KIF2A: variants seen among roughly 807,000 people sequenced by gnomAD.
The protein encoded by KIF2A is kinesin family member 2A, also known as kinesin-like protein KIF2A.
A neutral mutation model predicts 100.2 loss-of-function variants in KIF2A; 22 were observed. That is an observed-to-expected ratio of 0.22 (90% CI 0.16 to 0.31). The LOEUF (loss-of-function observed/expected upper bound fraction) is 0.31. Among genes scored for constraint, KIF2A ranks in the 10% least tolerant of loss-of-function variants. KIF2A has a pLI of 1.00. For missense variants in KIF2A, 495 were observed against 898.7 expected, an observed-to-expected ratio of 0.55 and a Z score of 5.74; for synonymous variants, 268 against 285.9, an observed-to-expected ratio of 0.94 and a Z score of 0.63.
chr5:62,318,732 T>C (rs1211222934), intron 1 of KIF2A, among the ~76,000 whole-genome samples: 1 of 152,190 alleles, frequency 6.6e-6, no homozygotes, highest in African/African-American at 2.4e-5. Flanking sequence ...ATCCTACCCC[T>C]GCAGTACTTC....
At chr5:62,322,679 A>G (rs1267261135) in intron 1 of KIF2A, among the ~76,000 whole-genome samples, 1 of 152,146 alleles carries the variant, frequency 6.6e-6, no homozygotes. Context: ...CTTTGTTACC[A>G]GAGTTGAAGG....
At chr5:62,385,452 T>C in intron 20 of KIF2A, 32 bp from the exon 21 acceptor site, 2 of 1,467,356 alleles carry the variant, frequency 1.4e-6, no homozygotes, top group South Asian at 1.2e-5. Context: ...TGTAATACAA[T>C]ACTTATTCCC....
At chr5:62,308,615 T>C in intron 1 of KIF2A, 2 of 699,026 alleles carry the variant, frequency 2.9e-6, no homozygotes, top group Non-Finnish European at 5.2e-6. Flanking sequence ...GAGATCCTAC[T>C]GTTTACCACA....
At chr5:62,331,708 A>G (rs779780020) in intron 1 of KIF2A, among the ~76,000 whole-genome samples, 3 of 150,814 alleles carry the variant, frequency 2.0e-5, no homozygotes, top group Non-Finnish European at 3.0e-5. Flanking sequence ...AAGACTTGCC[A>G]TATGTATGGT....
At chr5:62,342,130 A>C (rs1331132907) in intron 1 of KIF2A, among the ~76,000 whole-genome samples, 1 of 152,112 alleles carries the variant, frequency 6.6e-6, no homozygotes, top group Non-Finnish European at 1.5e-5. Context: ...TGTTGCTATA[A>C]TCTTCTTGTC....
chr5:62,377,689 C>G lies in KIF2A; in HGVS notation c.1940C>G (p.Thr647Ser). 1.3e-6 allele frequency: 2 copies of G among 1,552,104 alleles called. No individual in the cohort carries two copies. Among genetic ancestry groups the G allele is most frequent in the Non-Finnish European group, 1.7e-6 (2 of 1,145,858 alleles). Residue 647 changes from threonine (T) to serine (S), a missense_variant, in exon 19 of 21, where the codon ACT becomes AGT. Around this residue, in one of 10 missense-constraint regions of KIF2A, gnomAD observed 9 missense variants for 45.2 expected, o/e 0.20. Coordinates refer to ENST00000407818, the MANE Select transcript of KIF2A (RefSeq NM_001098511.3). ...GAAGAAGTCTCTCCACAGTTGTTTACTTTCCACGAAGCTGTTTCACAAATG... is the reference window on the plus strand; with the variant it reads ...GAAGAAGTCTCTCCACAGTTGTTTAGTTTCCACGAAGCTGTTTCACAAATG... ...NEEEVSPQLFTFHEAVSQMVE... is the reference protein window; with the variant it reads ...NEEEVSPQLFSFHEAVSQMVE...
Position 62,388,304 on chromosome 5 carries a change from G to T in KIF2A, c.*2735G>T, listed in dbSNP as rs1490091085. 1 of 152,118 alleles carries T rather than the reference G, an allele frequency of 6.6e-6. No homozygotes were observed. The highest frequency in any genetic ancestry group is 1.9e-4 in the East Asian group (1 of 5,192). 9.4% of individuals were successfully genotyped at this position (152,118 alleles called of 1,614,324 possible). Reference sequence around the variant, plus strand: ...TATCTCCCTAAGAACCATAAAAAAAGATAATTTTATTGTTAATTTCATTCC... The same window carrying T: ...TATCTCCCTAAGAACCATAAAAAAATATAATTTTATTGTTAATTTCATTCC... On this transcript the variant is annotated 3_prime_UTR_variant, in exon 21 of 21. Transcript: ENST00000407818.
At chr5:62,331,129 A>G (rs1387277814) in intron 1 of KIF2A, among the ~76,000 whole-genome samples, 5 of 152,198 alleles carry the variant, frequency 3.3e-5, no homozygotes, top group Non-Finnish European at 5.9e-5. Context: ...ATAAAGGTCT[A>G]GGCTGGGCGC....
chr5:62,345,114 G>A (rs12658601), intron 1 of KIF2A, among the ~76,000 whole-genome samples: 37,445 of 151,996 alleles, frequency 0.25, 4,692 homozygotes, highest in Middle Eastern at 0.3. Flanking sequence ...AGGGCCAGGC[G>A]TGGTGGCTCA....
At chr5:62,385,382 C>A (rs1741975040) in intron 20 of KIF2A, 102 bp from the exon 21 acceptor site, 1 of 738,674 alleles carries the variant, frequency 1.4e-6, no homozygotes, top group East Asian at 2.8e-5. Context: ...TACTGAGTTA[C>A]TGTTAGGAAA....
chr5:62,317,468 A>T (rs1214167004), intron 1 of KIF2A, among the ~76,000 whole-genome samples: 2 of 152,204 alleles, frequency 1.3e-5, no homozygotes, highest in Non-Finnish European at 2.9e-5. Flanking sequence ...ACTTGCCTAT[A>T]TTGTTATAAT....
chr5:62,347,035 T>G, intron 1 of KIF2A, 95 bp from the exon 2 acceptor site: 1 of 684,390 alleles, frequency 1.5e-6, no homozygotes, highest in East Asian at 3.0e-5. Context: ...GTGTCATTTT[T>G]TTTTTAATTT....
intron 20 of KIF2A, among the ~76,000 whole-genome samples, chr5:62,383,733 A>T (rs1741892299): frequency 6.6e-6 from 1 of 152,204 alleles, no homozygotes; most frequent in Non-Finnish European, 1.5e-5. Flanking sequence ...ATCTGCAATA[A>T]TTCACAATCA....
rs562833944 is a variant in KIF2A, at chr5:62,388,390, C to G, written c.*2821C>G. The G allele has an allele frequency of 6.6e-6, 1 of 152,192 alleles. No homozygotes were observed. The highest frequency in any genetic ancestry group is 2.4e-5 in the African/African-American group (1 of 41,420). The allele number at this position is 152,192 out of a possible 1,614,324, so 9.4% of individuals were successfully genotyped here. A position where few individuals can be genotyped will look rare whatever the true frequency, so the allele number is the denominator to read the frequency against. ...GCCCTTTAATATGCCTGGCACTGCA[C>G]GGTGGCAGTAGCAGACTTGGGCTTA... On this transcript the variant is annotated 3_prime_UTR_variant, in exon 21 of 21. Transcript: ENST00000407818.
intron 1 of KIF2A, among the ~76,000 whole-genome samples, chr5:62,319,681 T>C (rs1746006841): frequency 6.6e-6 from 1 of 152,244 alleles, no homozygotes; most frequent in South Asian, 2.1e-4. Flanking sequence ...AACTTCCAGC[T>C]TCTCTTTCAC....
chr5:62,318,757 C>CTT (rs1745958239), intron 1 of KIF2A, among the ~76,000 whole-genome samples: 1 of 152,116 alleles, frequency 6.6e-6, no homozygotes, highest in South Asian at 2.1e-4. Flanking sequence ...ATAGTATTCT[C>CTT]TTTCTGGGTA....
chr5:62,332,114 C>T (rs1263491293), intron 1 of KIF2A, among the ~76,000 whole-genome samples: 2 of 152,104 alleles, frequency 1.3e-5, no homozygotes, highest in Non-Finnish European at 2.9e-5. Flanking sequence ...CAGCTGTGAA[C>T]TAGAAAACAT....
intron 20 of KIF2A, among the ~76,000 whole-genome samples, chr5:62,383,131 T>C (rs961931088): frequency 6.6e-6 from 1 of 151,482 alleles, no homozygotes; most frequent in African/African-American, 2.4e-5. Context: ...TTCACCATAT[T>C]GGCCAGGCTG....
chr5:62,353,653 T>C (rs954895716), intron 6 of KIF2A, among the ~76,000 whole-genome samples: 10 of 152,178 alleles, frequency 6.6e-5, no homozygotes, highest in African/African-American at 2.2e-4. Context: ...CTAATGTGTA[T>C]GGTGTAACAT....
Sources: allele counts gnomAD v4.1 joint callset (sites outside exome capture counted in the v4.1 genomes callset), GRCh38; gene constraint gnomAD v4.1.1; regional missense constraint gnomAD v4.1.1; transcripts MANE v1.5; gene names NCBI Gene and HGNC (gene_info 2026-07-23, HGNC 2026-07-21).